Variants in PHF11 observed in about 807,000 individuals in gnomAD.
PHF11 encodes the protein PHD finger protein 11, also known as BRCA1 C-terminus-associated protein.
Under a neutral mutation model 40.5 loss-of-function variants are expected in PHF11, and 38 were observed. The observed-to-expected ratio is 0.94, with a 90% CI of 0.72 to 1.23. The LOEUF is 1.23. Ranked by LOEUF, PHF11 falls within the 50% of genes most tolerant of loss-of-function variation. PHF11 has a pLI of 0.00. For synonymous variants in PHF11, 127 were observed against 138.2 expected (o/e 0.92, Z 0.57); for missense variants, 369 against 392.4 (o/e 0.94, Z 0.50).
At chr13:49,512,514 A>T (rs1375412812) in intron 2 of PHF11, among the ~76,000 whole-genome samples, 1 of 152,166 alleles carries the variant, frequency 6.6e-6, no homozygotes, top group Non-Finnish European at 1.5e-5. Flanking sequence ...ATTGATCTTC[A>T]ATTCAGATTT....
intron 4 of PHF11, among the ~76,000 whole-genome samples, chr13:49,519,220 G>A (rs959711451): frequency 3.9e-5 from 6 of 152,104 alleles, no homozygotes; most frequent in African/African-American, 1.4e-4. Context: ...TGTAAATTTC[G>A]TACTGCACTT....
rs1030269471 is a variant in PHF11, at chr13:49,507,370, G to A, written c.216+614G>A. Among the ~76,000 whole-genome samples, 5 of 152,108 alleles carry A rather than the reference G, an allele frequency of 3.3e-5. 1 individual carries two copies. The highest frequency in any genetic ancestry group is 9.7e-5 in the African/African-American group (4 of 41,418). On this transcript the variant is annotated intron_variant, in intron 2 of 9. Coordinates refer to ENST00000378319, the MANE Select transcript of PHF11 (RefSeq NM_001040443.3). ...GTCCTTCATTTTAAATATGATGTTC[G>A]ATTTCATGACTATATTACCATTAAC...
intron 1 of PHF11, chr13:49,496,696 T>C (rs1958816475): frequency 6.1e-6 from 1 of 163,764 alleles, no homozygotes; most frequent in African/African-American, 2.4e-5. Flanking sequence ...AAAGATGAGT[T>C]AGGCAGACCC....
intron 1 of PHF11, among the ~76,000 whole-genome samples, chr13:49,501,769 C>T (rs1326573692): frequency 6.6e-6 from 1 of 152,106 alleles, no homozygotes; most frequent in Non-Finnish European, 1.5e-5. Context: ...CAGCTCACTG[C>T]AACCTCCTCC....
At chr13:49,523,503 G>A in intron 7 of PHF11, 1 of 466,994 alleles carries the variant, frequency 2.1e-6, no homozygotes, top group Non-Finnish European at 3.8e-6. Flanking sequence ...GCTTGCCTGA[G>A]CTCAGAATCC....
rs1193038122 is a variant in PHF11 at position 49,527,944 on chromosome 13, CTG to C, written c.842-565_842-564del. 3.0e-5 allele frequency among the ~76,000 whole-genome samples: 4 copies of C among 133,758 alleles called. No individual in the cohort carries two copies. In the South Asian group the frequency reaches 6.9e-4, roughly 23 times the overall value. The allele number at this position is 133,758 out of a possible 152,430, so 87.8% of individuals were successfully genotyped here. A position where few individuals can be genotyped will look rare whatever the true frequency, so the allele number is the denominator to read the frequency against. On this transcript the variant is annotated intron_variant, in intron 9 of 9. Coordinates refer to ENST00000378319, the MANE Select transcript of PHF11 (RefSeq NM_001040443.3). ...GAATAAAGTTTGTATATGTGTGTAA[CTG>C]TTCGATTTTGAGGCTTTTAAAAATT...
chr13:49,508,536 T>G lies in PHF11; in HGVS notation c.216+1780T>G, dbSNP rs116681482. On this transcript the variant is annotated intron_variant, in intron 2 of 9. Transcript: ENST00000378319. ...GGGTTGGGCATATTCCTGGGCAAGT[T>G]TTTTGTTTTGTTTTGTTTTGTTACT... Among the ~76,000 whole-genome samples the G allele has an allele frequency of 7.8e-3, 1,185 of 151,308 alleles. 14 individuals are homozygous for G. Among genetic ancestry groups the G allele is most frequent in the African/African-American group, 0.027 (1,122 of 41,398 alleles).
Position 49,528,619 on chromosome 13 carries a change from G to C in PHF11, c.950G>C (p.Arg317Thr). The change falls in exon 10 of 10, where the codon AGA becomes ACA. Residue 317 changes from arginine to threonine, a missense_variant. Arg to Thr is a moderately conservative substitution (Grantham distance 71). Coordinates refer to ENST00000378319, the MANE Select transcript of PHF11 (RefSeq NM_001040443.3). Reference protein sequence around the residue: ...KQTLCSFQENRDLMSSSTSIS... With the variant: ...KQTLCSFQENTDLMSSSTSIS... The stretch of plus-strand genomic sequence containing the variant: ...ACCTTGTGCTCTTTTCAAGAAAATA[G>C]AGATCTTATGTCAAGTTCTACATCA... 1 of 1,610,864 alleles carries C rather than the reference G, an allele frequency of 6.2e-7. No homozygotes were observed. The highest frequency in any genetic ancestry group is 2.2e-5 in the East Asian group (1 of 44,860).
intron 1 of PHF11, among the ~76,000 whole-genome samples, chr13:49,497,525 C>A (rs748316580): frequency 6.6e-6 from 1 of 152,210 alleles, no homozygotes; most frequent in Non-Finnish European, 1.5e-5. Context: ...CTGACTGCTT[C>A]TCACCACTTC....
chr13:49,521,357 G>A, intron 5 of PHF11: 1 of 988,962 alleles, frequency 1.0e-6, no homozygotes, highest in South Asian at 4.7e-5. Context: ...CTGGATCCTG[G>A]CTAACTGGAG....
At chr13:49,509,745 A>G (rs1959058663) in intron 2 of PHF11, among the ~76,000 whole-genome samples, 2 of 152,288 alleles carry the variant, frequency 1.3e-5, no homozygotes, top group South Asian at 4.1e-4. Flanking sequence ...GCCTGCTGCC[A>G]TGTAAAACAT....
At chr13:49,524,304 C>G in intron 8 of PHF11, 88 bp downstream of exon 8, 1 of 1,016,844 alleles carries the variant, frequency 9.8e-7, no homozygotes, top group Non-Finnish European at 1.5e-6. Context: ...AAAAAAAAGG[C>G]CCATTTTCTT....
At chr13:49,507,606 T>A (rs1959020751) in intron 2 of PHF11, among the ~76,000 whole-genome samples, 2 of 152,238 alleles carry the variant, frequency 1.3e-5, no homozygotes, top group Non-Finnish European at 2.9e-5. Flanking sequence ...TACCATTTAA[T>A]ACACCTAACT....
chr13:49,522,768 T>C (rs923775051), intron 6 of PHF11, among the ~76,000 whole-genome samples: 2 of 112,522 alleles, frequency 1.8e-5, no homozygotes, highest in Non-Finnish European at 3.6e-5. Flanking sequence ...GGTTTTTTTG[T>C]TTTTTTTTTT....
chr13:49,511,202 A>C (rs181876216), intron 2 of PHF11, among the ~76,000 whole-genome samples: 1 of 152,128 alleles, frequency 6.6e-6, no homozygotes, highest in East Asian at 1.9e-4. Context: ...TTATTCATTC[A>C]TCTGTTGGTA....
intron 3 of PHF11, among the ~76,000 whole-genome samples, chr13:49,516,325 T>C (rs541527517): frequency 1.3e-5 from 2 of 152,112 alleles, no homozygotes; most frequent in Non-Finnish European, 2.9e-5. Flanking sequence ...TTTTCCCTTA[T>C]CCTAAAACCA....
intron 1 of PHF11, among the ~76,000 whole-genome samples, chr13:49,497,724 A>T (rs893068609): frequency 6.6e-6 from 1 of 152,186 alleles, no homozygotes; most frequent in African/African-American, 2.4e-5. Flanking sequence ...AGAACAATCT[A>T]TGAGCCTGGC....
chr13:49,500,676 C>T (rs955506277), intron 1 of PHF11, among the ~76,000 whole-genome samples: 2 of 152,088 alleles, frequency 1.3e-5, no homozygotes, highest in Non-Finnish European at 2.9e-5. Flanking sequence ...CTGTGGGTCC[C>T]ACCCCATGTT....
Position 49,518,062 on chromosome 13 carries a change from T to C in PHF11, c.369T>C (p.Asp123=). The change falls in exon 4 of 10, where the codon GAT becomes GAC. Residue 123 remains aspartate, a synonymous_variant. Transcript: ENST00000378319. ...AAAGAGGAGCCACCGTGGGATGTGA[T>C]TTAAAAAACTGTAACAAGAATTACC... is the stretch of plus-strand genomic sequence containing the variant. ...CHKRGATVGC[D]LKNCNKNYHF... The C allele has an allele frequency of 6.3e-7, 1 of 1,596,058 alleles. No homozygotes were observed. The highest frequency in any genetic ancestry group is 8.6e-7 in the Non-Finnish European group (1 of 1,165,030).
Sources: gnomAD v4.1 joint callset for allele counts (sites outside exome capture counted in the v4.1 genomes callset) on GRCh38, gnomAD v4.1.1 for gene constraint, MANE v1.5 for transcripts, NCBI Gene and HGNC (gene_info 2026-07-23, HGNC 2026-07-21) for gene names.